TENM4: variants seen among roughly 807,000 people sequenced by gnomAD.
The protein encoded by TENM4 is teneurin transmembrane protein 4.
TENM4 carries 82 observed loss-of-function variants against 243.3 expected under a neutral mutation model. That is an observed-to-expected ratio of 0.34 (90% confidence interval 0.28 to 0.40). The LOEUF (loss-of-function observed/expected upper bound fraction) is 0.40. Ranked by LOEUF, TENM4 falls within the 10% of genes least tolerant of loss-of-function variation. TENM4 has a pLI of 1.00. For synonymous variants in TENM4, 1,412 were observed against 1,456.3 expected (o/e 0.97, Z 0.69); for missense variants, 3,138 against 3,673.3 (o/e 0.85, Z 3.77).
intron 9 of TENM4, among the ~76,000 whole-genome samples, chr11:78,888,855 T>C (rs1024762944): frequency 3.0e-4 from 46 of 152,338 alleles, no homozygotes; most frequent in African/African-American, 1.1e-3. Flanking sequence ...CAACCTACCT[T>C]AAGCCTTTGA....
chr11:78,916,468 G>T (rs766806563), intron 6 of TENM4, among the ~76,000 whole-genome samples: 2 of 152,174 alleles, frequency 1.3e-5, no homozygotes, highest in Admixed American at 1.3e-4. Context: ...TTTGTTGAAT[G>T]AAACTAAATT....
chr11:79,169,903 G>A (rs935441516), intron 3 of TENM4, among the ~76,000 whole-genome samples: 2 of 152,178 alleles, frequency 1.3e-5, no homozygotes, highest in Non-Finnish European at 2.9e-5. Flanking sequence ...GCCATCTTGG[G>A]GAGGGCAGGG....
At chr11:79,270,821 A>G (rs1246364670) in intron 2 of TENM4, among the ~76,000 whole-genome samples, 2 of 152,176 alleles carry the variant, frequency 1.3e-5, no homozygotes, top group Admixed American at 6.5e-5. Flanking sequence ...TTACTCAACT[A>G]TACGGCCCCA....
At chr11:78,817,794 G>A (rs1357190603) in intron 12 of TENM4, among the ~76,000 whole-genome samples, 1 of 152,146 alleles carries the variant, frequency 6.6e-6, no homozygotes, top group Admixed American at 6.5e-5. Flanking sequence ...CTACTGAGTG[G>A]TTGTGAACCC....
intron 17 of TENM4, among the ~76,000 whole-genome samples, chr11:78,773,590 C>G (rs575646256): frequency 2.6e-5 from 4 of 152,160 alleles, no homozygotes; most frequent in Non-Finnish European, 5.9e-5. Flanking sequence ...TCTGTAAAGA[C>G]CCAGAGAATA....
chr11:78,974,328 T>TCCAG (rs1857605057), intron 6 of TENM4, among the ~76,000 whole-genome samples: 2 of 152,312 alleles, frequency 1.3e-5, no homozygotes, highest in East Asian at 3.9e-4. Context: ...CATGATCTCA[T>TCCAG]GTGATCCTTA....
chr11:78,788,180 A>C (rs1219676292), intron 15 of TENM4, among the ~76,000 whole-genome samples: 1 of 152,222 alleles, frequency 6.6e-6, no homozygotes, highest in Middle Eastern at 3.2e-3. Context: ...GCTGCTAATA[A>C]TCTTAGCTAC....
At chr11:79,125,774 C>T (rs1861862601) in intron 4 of TENM4, among the ~76,000 whole-genome samples, 1 of 152,078 alleles carries the variant, frequency 6.6e-6, no homozygotes, top group Non-Finnish European at 1.5e-5. Context: ...GAGGCAGTTG[C>T]CAGGCAAGAT....
At chr11:79,308,691 C>T (rs61883568) in intron 1 of TENM4, among the ~76,000 whole-genome samples, 10,322 of 152,278 alleles carry the variant, frequency 0.068, 414 homozygotes, top group African/African-American at 0.092. Context: ...CAGGGCTACA[C>T]GGCACGTTAG....
At chr11:79,350,274 C>T (rs1053383295) in intron 1 of TENM4, among the ~76,000 whole-genome samples, 12 of 152,194 alleles carry the variant, frequency 7.9e-5, no homozygotes, top group African/African-American at 1.2e-4. Context: ...GCTGCCAACT[C>T]CATACTGACC....
Position 79,311,964 on chromosome 11 carries a change from T to G in TENM4, c.-320-14421A>C, listed in dbSNP as rs939175357. On this transcript the variant is annotated intron_variant, in intron 1 of 33. Transcript: ENST00000278550. ...TTTGCTTCAGGGTCCTGAATGAGTCTCTGAACTGTTCAAGGCCTCCACATA... is the reference window on the plus strand; with the variant it reads ...TTTGCTTCAGGGTCCTGAATGAGTCGCTGAACTGTTCAAGGCCTCCACATA... Among the ~76,000 whole-genome samples the G allele has an allele frequency of 7.9e-5, 12 of 152,196 alleles. 1 individual carries two copies. The highest frequency in any genetic ancestry group is 2.9e-4 in the African/African-American group (12 of 41,456).
At chr11:79,050,846 A>T (rs1384345696) in intron 6 of TENM4, among the ~76,000 whole-genome samples, 1 of 152,186 alleles carries the variant, frequency 6.6e-6, no homozygotes, top group African/African-American at 2.4e-5. Context: ...TCACAGAGCA[A>T]ACTGGGAGAA....
chr11:79,016,875 C>T (rs995289099), intron 6 of TENM4, among the ~76,000 whole-genome samples: 1 of 152,104 alleles, frequency 6.6e-6, no homozygotes, highest in African/African-American at 2.4e-5. Context: ...TTAGACAAAC[C>T]TTGGTTTGAA....
chr11:79,357,972 G>A (rs751194164), intron 1 of TENM4, among the ~76,000 whole-genome samples: 2 of 152,134 alleles, frequency 1.3e-5, no homozygotes, highest in African/African-American at 4.8e-5. Context: ...CTGAGAGATG[G>A]AAATAGATTA....
intron 5 of TENM4, among the ~76,000 whole-genome samples, chr11:79,066,020 T>G (rs1480701291): frequency 6.6e-6 from 1 of 152,096 alleles, no homozygotes; most frequent in Non-Finnish European, 1.5e-5. Flanking sequence ...AGAACTGGAG[T>G]TATAATCAGG....
At position 79,062,495 on chromosome 11, in the gene TENM4, T is replaced by C. The variant is rs138042969; in HGVS notation, c.493+2243A>G. ...TGGGGAATGCTGCATACATCCTCCC[T>C]TGGTAATTTATCCATTAGCATGCAC... On this transcript the variant is annotated intron_variant, in intron 6 of 33. Coordinates refer to ENST00000278550, the MANE Select transcript of TENM4 (RefSeq NM_001098816.3). Among the ~76,000 whole-genome samples, 23 of 152,326 alleles carry C rather than the reference T, an allele frequency of 1.5e-4. No individual in the cohort carries two copies. In the East Asian group the frequency reaches 4.3e-3, roughly 28 times the overall value.
At chr11:79,232,295 G>A (rs1009892395) in intron 2 of TENM4, among the ~76,000 whole-genome samples, 1 of 152,146 alleles carries the variant, frequency 6.6e-6, no homozygotes, top group African/African-American at 2.4e-5. Context: ...TAGTACAGAG[G>A]CTAGCAGGAC....
At chr11:78,746,633 G>A (rs1856058359) in intron 19 of TENM4, among the ~76,000 whole-genome samples, 1 of 152,252 alleles carries the variant, frequency 6.6e-6, no homozygotes, top group Non-Finnish European at 1.5e-5. Flanking sequence ...CTATGGTGAG[G>A]GAGAAGCAGG....
intron 1 of TENM4, among the ~76,000 whole-genome samples, chr11:79,309,498 T>C (rs1018043939): frequency 8.5e-5 from 13 of 152,210 alleles, no homozygotes; most frequent in African/African-American, 2.9e-4. Flanking sequence ...GACCGCCTGG[T>C]TTTATTAATA....
Sources: allele counts gnomAD v4.1 joint callset (sites outside exome capture counted in the v4.1 genomes callset), GRCh38; gene constraint gnomAD v4.1.1; transcripts MANE v1.5; gene names NCBI Gene and HGNC (gene_info 2026-07-23, HGNC 2026-07-21).